The following E2F3 variants were observed in gnomAD, a reference collection of about 807,000 sequenced individuals.
E2F3 encodes the protein transcription factor E2F3.
Under a neutral mutation model 44.4 loss-of-function variants are expected in E2F3, and 11 were observed. The observed-to-expected ratio is 0.25, with a 90% confidence interval of 0.16 to 0.41. The LOEUF (loss-of-function observed/expected upper bound fraction) is 0.41, where lower values mean the gene tolerates loss of function less well. Among genes scored for constraint, E2F3 ranks in the 10% least tolerant of loss-of-function variants. E2F3 has a pLI of 1.00. For synonymous variants in E2F3, 249 were observed against 253.0 expected (o/e 0.98, Z 0.15); for missense variants, 487 against 583.6 (o/e 0.83, Z 1.70).
At chr6:20,426,671 C>A (rs1760226105) in intron 1 of E2F3, among the ~76,000 whole-genome samples, 2 of 152,234 alleles carry the variant, frequency 1.3e-5, no homozygotes, top group Non-Finnish European at 2.9e-5. Flanking sequence ...GTGCTTGTAA[C>A]CCTGAAGTGT....
intron 2 of E2F3, 113 bp from the exon 3 acceptor site, chr6:20,481,093 T>A (rs1762208329): frequency 1.1e-6 from 1 of 950,152 alleles, no homozygotes; most frequent in African/African-American, 1.6e-5. Context: ...TTGCTTCAGA[T>A]ACTAATACTT....
intron 1 of E2F3, among the ~76,000 whole-genome samples, chr6:20,435,749 C>CA (rs1760553006): frequency 6.6e-6 from 1 of 151,680 alleles, no homozygotes; most frequent in Non-Finnish European, 1.5e-5. Flanking sequence ...GACTCCGTCT[C>CA]AAAAAAATAA....
At chr6:20,408,498 T>G (rs146186562) in intron 1 of E2F3, among the ~76,000 whole-genome samples, 2,261 of 152,374 alleles carry the variant, frequency 0.015, 32 homozygotes, top group Middle Eastern at 0.068. Context: ...GGGTCAGTCT[T>G]ATGGCCACCA....
chr6:20,485,642 C>A (rs1762367802), intron 4 of E2F3, among the ~76,000 whole-genome samples: 1 of 152,214 alleles, frequency 6.6e-6, no homozygotes. Flanking sequence ...TTTCCTAAAT[C>A]AGTGTTTCTC....
chr6:20,460,747 G>A (rs556657268), intron 1 of E2F3, among the ~76,000 whole-genome samples: 6 of 152,198 alleles, frequency 3.9e-5, no homozygotes, highest in South Asian at 2.1e-4. Flanking sequence ...CGTAATCCCA[G>A]CACTTTGGGA....
chr6:20,492,166 C>A lies in E2F3; in HGVS notation c.*1736C>A, dbSNP rs567797275. The stretch of plus-strand genomic sequence containing the variant: ...TCCCTTAGGAAAAAAAAAAAACACA[C>A]AAAAAACCACAAGAGCCCCAGCCAG... On this transcript the variant is annotated 3_prime_UTR_variant, in exon 7 of 7. Coordinates refer to ENST00000346618, the MANE Select transcript of E2F3 (RefSeq NM_001949.5). 6.3e-5 allele frequency: 14 copies of A among 221,732 alleles called. No homozygotes were observed. The highest frequency in any genetic ancestry group is 1.9e-4 in the South Asian group (1 of 5,360). 13.7% of individuals were successfully genotyped at this position (221,732 alleles called of 1,614,324 possible). A position where few individuals can be genotyped will look rare whatever the true frequency, so the allele number is the denominator to read the frequency against.
At chr6:20,441,912 G>A (rs1220892266) in intron 1 of E2F3, among the ~76,000 whole-genome samples, 7 of 151,924 alleles carry the variant, frequency 4.6e-5, no homozygotes, top group East Asian at 3.9e-4. Flanking sequence ...TTTCCACAGC[G>A]GGTGCCCCAT....
At chr6:20,432,566 G>A (rs1760443845) in intron 1 of E2F3, among the ~76,000 whole-genome samples, 1 of 152,218 alleles carries the variant, frequency 6.6e-6, no homozygotes, top group African/African-American at 2.4e-5. Context: ...GTAACAGAAG[G>A]TGTGGTCGGA....
At chr6:20,457,065 G>A (rs535131002) in intron 1 of E2F3, among the ~76,000 whole-genome samples, 2 of 152,004 alleles carry the variant, frequency 1.3e-5, no homozygotes, top group Non-Finnish European at 2.9e-5. Flanking sequence ...GATGAAGAGA[G>A]TATTTCTCCT....
chr6:20,454,905 T>G (rs1423850762), intron 1 of E2F3, among the ~76,000 whole-genome samples: 1 of 152,200 alleles, frequency 6.6e-6, no homozygotes, highest in Non-Finnish European at 1.5e-5. Flanking sequence ...CTCCACTGGA[T>G]AGCTTTTGAA....
chr6:20,442,295 C>T (rs535547828), intron 1 of E2F3, among the ~76,000 whole-genome samples: 23 of 152,288 alleles, frequency 1.5e-4, no homozygotes, highest in African/African-American at 5.5e-4. Flanking sequence ...GCCTTTGAGT[C>T]TTTTCATTCT....
In E2F3 at chr6:20,492,629, C is replaced by A. The variant is rs1237049628; in HGVS notation, c.*2199C>A. The A allele has an allele frequency of 8.6e-6, 2 of 232,214 alleles. No homozygotes were observed. The highest frequency in any genetic ancestry group is 4.4e-5 in the African/African-American group (2 of 45,256). 14.4% of individuals were successfully genotyped at this position (232,214 alleles called of 1,614,324 possible). A position where few individuals can be genotyped will look rare whatever the true frequency, so the allele number is the denominator to read the frequency against. On this transcript the variant is annotated 3_prime_UTR_variant, in exon 7 of 7. Coordinates refer to ENST00000346618, the MANE Select transcript of E2F3 (RefSeq NM_001949.5). ...TTTTCCAAAGTCTAAAGACTGAGCT[C>A]ACCTGGCTAGATTGTTGTGTGTTTT... is the stretch of plus-strand genomic sequence containing the variant.
chr6:20,422,698 C>T (rs1760068629), intron 1 of E2F3, among the ~76,000 whole-genome samples: 1 of 152,086 alleles, frequency 6.6e-6, no homozygotes, highest in Admixed American at 6.6e-5. Context: ...AATAGGGAGG[C>T]CCGAGAAGAG....
chr6:20,416,779 T>G (rs1447017501), intron 1 of E2F3, among the ~76,000 whole-genome samples: 1 of 152,030 alleles, frequency 6.6e-6, no homozygotes. Context: ...TAACATCAAA[T>G]AAGGTGTTGC....
chr6:20,481,927 C>T (rs1247886087), intron 3 of E2F3, among the ~76,000 whole-genome samples: 2 of 152,102 alleles, frequency 1.3e-5, no homozygotes, highest in African/African-American at 4.8e-5. Flanking sequence ...GACTTAAATG[C>T]CTCCATTTCG....
Position 20,481,319 on chromosome 6 carries a change from G to T in E2F3, c.619G>T (p.Ala207Ser). 1 of 1,614,168 alleles carries T rather than the reference G, an allele frequency of 6.2e-7. No individual in the cohort carries two copies. The highest frequency in any genetic ancestry group is 8.5e-7 in the Non-Finnish European group (1 of 1,180,028). ...SPDGVLDLNKAAEVLKVQKRR... is the reference protein window; with the variant it reads ...SPDGVLDLNKSAEVLKVQKRR... ...CGATGGGGTATTGGATTTGAACAAGGCAGCAGAAGTGCTAAAAGTGCAAAA... is the reference window on the plus strand; with the variant it reads ...CGATGGGGTATTGGATTTGAACAAGTCAGCAGAAGTGCTAAAAGTGCAAAA... The change falls in exon 3 of 7, where the codon GCA (alanine) becomes TCA (serine). Residue 207 changes from alanine to serine, a missense_variant. By Grantham distance (99) the Ala-to-Ser change is moderately conservative. Around this residue, in one of 3 missense-constraint regions of E2F3, gnomAD observed 29 missense variants for 85.9 expected, o/e 0.34. Coordinates refer to ENST00000346618, the MANE Select transcript of E2F3 (RefSeq NM_001949.5).
chr6:20,452,740 G>A (rs1761172088), intron 1 of E2F3, among the ~76,000 whole-genome samples: 1 of 152,056 alleles, frequency 6.6e-6, no homozygotes, highest in Non-Finnish European at 1.5e-5. Context: ...ACGAGGTCAG[G>A]AGATCCAGAC....
At chr6:20,426,643 T>A (rs1361395316) in intron 1 of E2F3, among the ~76,000 whole-genome samples, 1 of 152,234 alleles carries the variant, frequency 6.6e-6, no homozygotes, top group African/African-American at 2.4e-5. Flanking sequence ...TCCAGGGCTG[T>A]GCTGTTGGTG....
chr6:20,430,116 A>T (rs1236769183), intron 1 of E2F3, among the ~76,000 whole-genome samples: 2 of 152,156 alleles, frequency 1.3e-5, no homozygotes, highest in Admixed American at 6.5e-5. Flanking sequence ...CTATTTTTCC[A>T]TTCTGGAATA....
Sources: allele counts gnomAD v4.1 joint callset (sites outside exome capture counted in the v4.1 genomes callset), GRCh38; gene constraint gnomAD v4.1.1; regional missense constraint gnomAD v4.1.1; transcripts MANE v1.5; gene names NCBI Gene and HGNC (gene_info 2026-07-23, HGNC 2026-07-21).